Variants in PDE4D observed in about 807,000 individuals in gnomAD.
PDE4D encodes the protein phosphodiesterase 4D, also known as 3',5'-cyclic-AMP phosphodiesterase 4D.
In PDE4D, 24 loss-of-function variants were observed where a neutral mutation model predicts 87.4. The observed-to-expected ratio is 0.27, with a 90% CI of 0.20 to 0.39. The LOEUF (loss-of-function observed/expected upper bound fraction) is 0.39, where lower values mean the gene tolerates loss of function less well. Among genes scored for constraint, PDE4D ranks in the 10% least tolerant of loss-of-function variants. The pLI is 1.00. For synonymous variants in PDE4D, 384 were observed against 383.2 expected, an observed-to-expected ratio of 1.00 and a Z score of -0.02; for missense variants, 714 against 1,041.0, an observed-to-expected ratio of 0.69 and a Z score of 4.32.
intron 1 of PDE4D, among the ~76,000 whole-genome samples, chr5:60,416,081 T>C (rs1290881468): frequency 6.6e-6 from 1 of 152,108 alleles, no homozygotes; most frequent in African/African-American, 2.4e-5. Context: ...TGTGTCTAGC[T>C]CAGGGTTTGT....
chr5:60,353,763 T>C (rs1320897962), intron 1 of PDE4D, among the ~76,000 whole-genome samples: 1 of 152,196 alleles, frequency 6.6e-6, no homozygotes, highest in Non-Finnish European at 1.5e-5. Context: ...TGTGTCATAT[T>C]AATATATTAA....
At chr5:60,106,847 A>G (rs553092771) in intron 2 of PDE4D, among the ~76,000 whole-genome samples, 327 of 151,960 alleles carry the variant, frequency 2.2e-3, no homozygotes, top group African/African-American at 7.5e-3. Context: ...TCTCTGGGAC[A>G]CATTCAAAGC....
In PDE4D at chr5:59,326,771, G is replaced by T. The variant is rs572637086; in HGVS notation, c.456-110803C>A. Among the ~76,000 whole-genome samples the T allele has an allele frequency of 2.0e-3, 308 of 152,156 alleles. 3 individuals carry two copies. Among genetic ancestry groups the T allele is most frequent in the African/African-American group, 7.1e-3 (297 of 41,544 alleles). The stretch of plus-strand genomic sequence containing the variant: ...TATTTCGAAATAGATGTGTGATCTT[G>T]CTTGGAAAAGACACATAACTTTCTT... On this transcript the variant is annotated intron_variant, in intron 1 of 14. Coordinates refer to ENST00000340635, the MANE Select transcript of PDE4D (RefSeq NM_001104631.2).
chr5:58,985,101 G>C (rs1580097696), intron 11 of PDE4D, among the ~76,000 whole-genome samples: 1 of 152,082 alleles, frequency 6.6e-6, no homozygotes, highest in Admixed American at 6.5e-5. Flanking sequence ...TTTTTGTAAA[G>C]ACAGGGTTTC....
At chr5:60,061,557 T>G (rs765472373) in intron 2 of PDE4D, among the ~76,000 whole-genome samples, 18 of 152,136 alleles carry the variant, frequency 1.2e-4, no homozygotes, top group Non-Finnish European at 1.3e-4. Context: ...CCATTGACTT[T>G]CTTCACAGAA....
At chr5:59,115,237 G>T (rs1386539341) in intron 5 of PDE4D, among the ~76,000 whole-genome samples, 6 of 152,156 alleles carry the variant, frequency 3.9e-5, no homozygotes, top group Admixed American at 2.6e-4. Flanking sequence ...GATGATTTGG[G>T]GTCATCAGTT....
At chr5:59,546,201 T>C (rs908049643) in intron 1 of PDE4D, among the ~76,000 whole-genome samples, 1 of 152,086 alleles carries the variant, frequency 6.6e-6, no homozygotes, top group African/African-American at 2.4e-5. Context: ...TTAAATCTCT[T>C]TTAAAATCTG....
intron 1 of PDE4D, among the ~76,000 whole-genome samples, chr5:59,410,797 A>T (rs1463549014): frequency 6.6e-6 from 1 of 151,908 alleles, no homozygotes; most frequent in African/African-American, 2.4e-5. Context: ...GAATAGTGCT[A>T]CAATAAACAT....
intron 1 of PDE4D, among the ~76,000 whole-genome samples, chr5:59,729,132 A>T (rs1266660941): frequency 6.6e-6 from 1 of 152,116 alleles, no homozygotes; most frequent in Non-Finnish European, 1.5e-5. Context: ...AATCATTCTG[A>T]ACAGAATAAT....
chr5:59,946,547 A>C (rs1263862263), intron 3 of PDE4D, among the ~76,000 whole-genome samples: 1 of 152,232 alleles, frequency 6.6e-6, no homozygotes, highest in African/African-American at 2.4e-5. Context: ...GGTTCCCAAC[A>C]TGCTATGCAT....
intron 1 of PDE4D, among the ~76,000 whole-genome samples, chr5:60,293,051 G>A (rs574900300): frequency 1.5e-3 from 222 of 149,918 alleles, no homozygotes; most frequent in African/African-American, 5.3e-3. Flanking sequence ...TTTCACCCAC[G>A]CTAGAGTGAA....
chr5:59,451,495 C>G (rs1477525121), intron 1 of PDE4D, among the ~76,000 whole-genome samples: 4 of 152,210 alleles, frequency 2.6e-5, no homozygotes, highest in African/African-American at 9.6e-5. Flanking sequence ...CCGACATATA[C>G]CTGAAGTTCA....
intron 1 of PDE4D, among the ~76,000 whole-genome samples, chr5:59,393,924 T>C (rs920060982): frequency 2.0e-5 from 3 of 152,252 alleles, no homozygotes; most frequent in African/African-American, 7.2e-5. Flanking sequence ...AAAGTTTTCT[T>C]TGAGCTCTTG....
In PDE4D at chr5:60,433,510, T is replaced by C. The variant is rs535256511; in HGVS notation, c.-90+54432A>G. ...AGTCCAGCCACTGTGGAAAGCAGTT[T>C]GGCAATTTCTCGAAGAACTTAAAAC... is the stretch of plus-strand genomic sequence containing the variant. On this transcript the variant is annotated intron_variant, in intron 1 of 16. Coordinates refer to the PDE4D transcript ENST00000502484. 3.1e-4 allele frequency among the ~76,000 whole-genome samples: 47 copies of C among 152,314 alleles called. No homozygotes were observed. The South Asian group carries it at 9.7e-3, about 32-fold the overall frequency.
chr5:60,430,549 G>T (rs1377301491), intron 1 of PDE4D, among the ~76,000 whole-genome samples: 2,264 of 131,652 alleles, frequency 0.017, 77 homozygotes, highest in African/African-American at 0.064. Flanking sequence ...TTTTTTGTTT[G>T]TTTTTTTTTT....
chr5:59,664,973 G>A (rs1253645670), intron 1 of PDE4D, among the ~76,000 whole-genome samples: 1 of 152,138 alleles, frequency 6.6e-6, no homozygotes, highest in Non-Finnish European at 1.5e-5. Context: ...AGTTTGTAGA[G>A]TCATACATCT....
intron 1 of PDE4D, among the ~76,000 whole-genome samples, chr5:59,627,033 C>T (rs563390641): frequency 3.9e-5 from 6 of 152,156 alleles, no homozygotes; most frequent in South Asian, 2.1e-4. Context: ...GGATTTTGTA[C>T]ACATTTAATT....
At chr5:59,335,686 G>A (rs7733716) in intron 1 of PDE4D, among the ~76,000 whole-genome samples, 14,461 of 152,172 alleles carry the variant, frequency 0.095, 1,973 homozygotes, top group African/African-American at 0.3. Context: ...TTTAAAAAGT[G>A]TCTTTCTGTG....
intron 1 of PDE4D, chr5:60,429,843 T>G (rs111271077): frequency 0.068 from 23,441 of 343,802 alleles, 1,626 homozygotes; most frequent in African/African-American, 0.23. Flanking sequence ...AGTTTTTTTT[T>G]TTTTGTTTTT....
Sources: gnomAD v4.1 joint callset for allele counts (sites outside exome capture counted in the v4.1 genomes callset) on GRCh38, gnomAD v4.1.1 for gene constraint, MANE v1.5 for transcripts, NCBI Gene and HGNC (gene_info 2026-07-23, HGNC 2026-07-21) for gene names.